The following LYPD6B variants were observed in gnomAD, a reference collection of about 807,000 sequenced individuals.
LYPD6B encodes LY6/PLAUR domain containing 6B.
LYPD6B carries 17 observed loss-of-function variants against 22.8 expected under a neutral mutation model. That is an observed-to-expected ratio of 0.75 (90% CI 0.51 to 1.12). LYPD6B has a LOEUF of 1.12. Ranked by LOEUF, LYPD6B falls within the 50% of genes most tolerant of loss-of-function variation. The pLI, the probability that LYPD6B is intolerant of heterozygous loss-of-function variation, is 0.00. For missense variants in LYPD6B, 221 were observed against 258.3 expected (o/e 0.86, Z 0.99); for synonymous variants, 106 against 91.6 (o/e 1.16, Z -0.90).
intron 2 of LYPD6B, among the ~76,000 whole-genome samples, chr2:149,140,860 A>G (rs1688651211): frequency 6.6e-6 from 1 of 152,138 alleles, no homozygotes; most frequent in South Asian, 2.1e-4. Flanking sequence ...TTAGGCATAA[A>G]AGGAGAGAGG....
intron 1 of LYPD6B, among the ~76,000 whole-genome samples, chr2:149,048,333 C>T (rs569535079): frequency 3.3e-5 from 5 of 152,312 alleles, no homozygotes; most frequent in Non-Finnish European, 7.4e-5. Context: ...TGAGGGTTCT[C>T]ATTCCTCTGG....
intron 3 of LYPD6B, among the ~76,000 whole-genome samples, chr2:149,164,750 C>T (rs1057064154): frequency 6.6e-6 from 1 of 152,104 alleles, no homozygotes; most frequent in Non-Finnish European, 1.5e-5. Context: ...CTCACTGGCC[C>T]TAGGTGGGTG....
At chr2:149,104,512 C>T (rs945477978) in intron 1 of LYPD6B, among the ~76,000 whole-genome samples, 3 of 152,112 alleles carry the variant, frequency 2.0e-5, no homozygotes, top group Non-Finnish European at 4.4e-5. Context: ...ATGTGTTATT[C>T]ATCATTTATA....
intron 1 of LYPD6B, among the ~76,000 whole-genome samples, chr2:149,082,581 C>T (rs752491853): frequency 9.9e-5 from 15 of 151,876 alleles, no homozygotes; most frequent in Non-Finnish European, 1.3e-4. Context: ...TTGCCTTTGC[C>T]GACAGTGTTT....
chr2:149,202,939 G>A (rs1302744382), intron 3 of LYPD6B, among the ~76,000 whole-genome samples: 1 of 152,134 alleles, frequency 6.6e-6, no homozygotes, highest in Non-Finnish European at 1.5e-5. Context: ...CCATTTTATA[G>A]ATGCAAAAAT....
chr2:149,208,564 A>T (rs1693650657), intron 5 of LYPD6B, among the ~76,000 whole-genome samples, 152 bp downstream of exon 5: 1 of 152,068 alleles, frequency 6.6e-6, no homozygotes, highest in Non-Finnish European at 1.5e-5. Flanking sequence ...GGTGTCAAAG[A>T]CTCTAACTGA....
In LYPD6B at chr2:149,212,994, A is replaced by G. The variant is rs775551872; in HGVS notation, c.331A>G (p.Thr111Ala). 1.1e-5 allele frequency: 18 copies of G among 1,613,828 alleles called. No individual in the cohort carries two copies. The highest frequency in any genetic ancestry group is 4.5e-5 in the East Asian group (2 of 44,880). ...WAEDKWCPQN[T>A]QYCLTVHHFT... ...GTTTTTTGTTTCCTCTTGCCTAGAT[A>G]CACAGTACTGTTTGACAGTTCATCA... The change falls in exon 6 of 7, where the codon ACA becomes GCA. Residue 111 changes from threonine (T) to alanine (A), a missense_variant and splice_region_variant. Thr to Ala is a moderately conservative substitution (Grantham distance 58). Coordinates refer to ENST00000409642, the MANE Select transcript of LYPD6B (RefSeq NM_177964.5).
chr2:149,090,591 A>G (rs1045038750), intron 1 of LYPD6B, among the ~76,000 whole-genome samples: 4 of 152,150 alleles, frequency 2.6e-5, no homozygotes, highest in African/African-American at 9.7e-5. Flanking sequence ...TTCTGTTTAT[A>G]AGAATTACAT....
chr2:149,101,651 C>T (rs1460358796), intron 1 of LYPD6B: 1 of 152,328 alleles, frequency 6.6e-6, no homozygotes, highest in Non-Finnish European at 1.5e-5. Flanking sequence ...CTCTCCAAAC[C>T]TTGAACACAG....
intron 4 of LYPD6B, chr2:149,206,165 T>A (rs1693493501): frequency 3.3e-6 from 1 of 302,230 alleles, no homozygotes; most frequent in Admixed American, 4.1e-5. Context: ...ATATCCCTAA[T>A]CACTTCTCCA....
chr2:149,083,969 G>A (rs1340552486), intron 1 of LYPD6B, among the ~76,000 whole-genome samples: 4 of 148,498 alleles, frequency 2.7e-5, no homozygotes, highest in South Asian at 2.1e-4. Flanking sequence ...AAAAAAAACC[G>A]GGCGTAGTGG....
intron 2 of LYPD6B, among the ~76,000 whole-genome samples, chr2:149,140,666 T>C (rs1688641365): frequency 6.6e-6 from 1 of 152,230 alleles, no homozygotes; most frequent in South Asian, 2.1e-4. Context: ...GCATTGGTGT[T>C]GTATTCCCCA....
chr2:149,130,859 A>G (rs1687985516), intron 1 of LYPD6B, 24 bp from the exon 2 acceptor site: 5 of 947,464 alleles, frequency 5.3e-6, no homozygotes. Flanking sequence ...TCATAATGAT[A>G]CCTTTTCATG....
intron 3 of LYPD6B, among the ~76,000 whole-genome samples, chr2:149,196,743 A>G (rs1692835416): frequency 6.6e-6 from 1 of 152,236 alleles, no homozygotes; most frequent in Admixed American, 6.5e-5. Context: ...CACATATCCA[A>G]ACACACATAT....
intron 2 of LYPD6B, among the ~76,000 whole-genome samples, chr2:149,151,850 T>C (rs928212390): frequency 6.6e-6 from 1 of 152,184 alleles, no homozygotes; most frequent in African/African-American, 2.4e-5. Context: ...CTCCAAAGCC[T>C]TCCATGGCTC....
intron 2 of LYPD6B, among the ~76,000 whole-genome samples, chr2:149,140,342 G>A (rs1457813050): frequency 1.3e-5 from 2 of 152,212 alleles, no homozygotes; most frequent in African/African-American, 4.8e-5. Context: ...AAAGTGTGGG[G>A]AGAGTGCCTT....
intron 1 of LYPD6B, among the ~76,000 whole-genome samples, chr2:149,059,865 GTTCC>G (rs968551180): frequency 6.6e-6 from 1 of 152,196 alleles, no homozygotes; most frequent in African/African-American, 2.4e-5. Context: ...ACAGGAAATG[GTTCC>G]TTCAGAAGTT....
intron 3 of LYPD6B, chr2:149,187,648 A>G: frequency 1.2e-6 from 1 of 844,898 alleles, no homozygotes; most frequent in Non-Finnish European, 1.7e-6. Flanking sequence ...AGGCTTGTCC[A>G]ATCTTTTGGA....
intron 1 of LYPD6B, among the ~76,000 whole-genome samples, chr2:149,077,963 C>G (rs1415917124): frequency 7.6e-6 from 1 of 131,270 alleles, no homozygotes; most frequent in Non-Finnish European, 1.8e-5. Flanking sequence ...CATGAAGCAA[C>G]TGCTGCTGTT....
Sources: gnomAD v4.1 joint callset for allele counts (sites outside exome capture counted in the v4.1 genomes callset) on GRCh38, gnomAD v4.1.1 for gene constraint, MANE v1.5 for transcripts, NCBI Gene and HGNC (gene_info 2026-07-23, HGNC 2026-07-21) for gene names.